The following MALRD1 variants were observed in gnomAD, a reference collection of about 807,000 sequenced individuals.
MALRD1 encodes MAM and LDL receptor class A domain containing 1, also known as MAM and LDL-receptor class A domain-containing protein 1.
In MALRD1, 247 loss-of-function variants were observed where a neutral mutation model predicts 242.1. The ratio of observed to expected loss-of-function variants is 1.02; its 90% CI spans 0.92 to 1.13. MALRD1 has a LOEUF of 1.13. Ranked by LOEUF, MALRD1 falls within the 50% of genes most tolerant of loss-of-function variation. The probability of loss-of-function intolerance (pLI) is 0.00; values close to 1 mark genes in which losing one functional copy is unlikely to be tolerated. For missense variants in MALRD1, 2,989 were observed against 2,533.1 expected (o/e 1.18, Z -3.86); for synonymous variants, 995 against 866.6 (o/e 1.15, Z -2.60).
chr10:19,664,019 A>G (rs567238287), intron 36 of MALRD1, among the ~76,000 whole-genome samples: 8 of 152,264 alleles, frequency 5.3e-5, no homozygotes, highest in Non-Finnish European at 1.0e-4. Flanking sequence ...AAGCAAAAAC[A>G]AGAGGGAATT....
chr10:19,710,193 T>G (rs1244340455), intron 38 of MALRD1: 2 of 152,168 alleles, frequency 1.3e-5, no homozygotes, highest in Non-Finnish European at 2.9e-5. Context: ...TTTGGATGTC[T>G]ATATTTGTGA....
intron 36 of MALRD1, among the ~76,000 whole-genome samples, chr10:19,630,666 T>C (rs1398894135): frequency 6.6e-6 from 1 of 152,162 alleles, no homozygotes; most frequent in Non-Finnish European, 1.5e-5. Context: ...TAAGTTATGA[T>C]GTATTGTCTT....
At chr10:19,669,651 G>A (rs889338136) in intron 36 of MALRD1, among the ~76,000 whole-genome samples, 2 of 152,106 alleles carry the variant, frequency 1.3e-5, no homozygotes, top group African/African-American at 4.8e-5. Context: ...CTAGAGAACT[G>A]AGCAAATGAA....
chr10:19,257,263 A>C (rs543543762), intron 18 of MALRD1, among the ~76,000 whole-genome samples: 2 of 152,228 alleles, frequency 1.3e-5, no homozygotes, highest in Admixed American at 1.3e-4. Flanking sequence ...TCTGGTAGAA[A>C]ATCTAGGAGG....
intron 1 of MALRD1, among the ~76,000 whole-genome samples, chr10:19,066,276 A>G (rs1834977494): frequency 6.6e-6 from 1 of 152,214 alleles, no homozygotes; most frequent in African/African-American, 2.4e-5. Flanking sequence ...ATTGAATCCA[A>G]AGATGAGGAA....
intron 36 of MALRD1, among the ~76,000 whole-genome samples, chr10:19,667,790 A>G (rs1482105501): frequency 6.6e-6 from 1 of 152,096 alleles, no homozygotes; most frequent in Non-Finnish European, 1.5e-5. Context: ...CTCTTTATAA[A>G]TTACCCAGGG....
rs547331212 is a variant in MALRD1 at position 19,725,915 on chromosome 10, C to T, written c.6315-4791C>T. Reference sequence around the variant, plus strand: ...CAATGCAAAAGAATGCAGATGGACCCCCTACTTCACACCACATACAGAAAT... The same window carrying T: ...CAATGCAAAAGAATGCAGATGGACCTCCTACTTCACACCACATACAGAAAT... On this transcript the variant is annotated intron_variant, in intron 38 of 39. Transcript: ENST00000454679. Among the ~76,000 whole-genome samples, 16 of 152,154 alleles carry T rather than the reference C, an allele frequency of 1.1e-4. No individual in the cohort carries two copies. In the East Asian group the frequency reaches 2.7e-3, roughly 26 times the overall value.
chr10:19,198,411 C>T (rs1019424603), intron 14 of MALRD1, among the ~76,000 whole-genome samples: 1 of 152,178 alleles, frequency 6.6e-6, no homozygotes, highest in Admixed American at 6.5e-5. Context: ...GAGGCCTAAA[C>T]TTATGGAACT....
chr10:19,357,808 T>C (rs1468717962), intron 26 of MALRD1, among the ~76,000 whole-genome samples: 2 of 152,136 alleles, frequency 1.3e-5, no homozygotes, highest in African/African-American at 4.8e-5. Context: ...TGTATTCATG[T>C]GTGTAGGCTA....
At chr10:19,543,754 C>G (rs374999035) in intron 32 of MALRD1, among the ~76,000 whole-genome samples, 29 of 152,260 alleles carry the variant, frequency 1.9e-4, no homozygotes, top group African/African-American at 6.7e-4. Flanking sequence ...TCTTGGCAAA[C>G]AACTTTGTAT....
intron 2 of MALRD1, among the ~76,000 whole-genome samples, chr10:19,085,008 G>C (rs1835619850): frequency 6.6e-6 from 1 of 151,910 alleles, no homozygotes; most frequent in African/African-American, 2.4e-5. Context: ...GGATGGTGTA[G>C]AGATTAATAG....
At chr10:19,467,982 C>G (rs1051718741) in intron 29 of MALRD1, among the ~76,000 whole-genome samples, 4 of 151,910 alleles carry the variant, frequency 2.6e-5, no homozygotes, top group African/African-American at 9.7e-5. Context: ...TTAGTAGAGA[C>G]TGGGTTTCTC....
chr10:19,715,795 C>T (rs1190489046), intron 38 of MALRD1, among the ~76,000 whole-genome samples: 1 of 152,178 alleles, frequency 6.6e-6, no homozygotes, highest in Non-Finnish European at 1.5e-5. Flanking sequence ...TGGTGCATCA[C>T]ATGACAAGAG....
At chr10:19,224,926 G>C (rs539996545) in intron 18 of MALRD1, among the ~76,000 whole-genome samples, 1 of 152,248 alleles carries the variant, frequency 6.6e-6, no homozygotes, top group Non-Finnish European at 1.5e-5. Flanking sequence ...CCTATGTTCT[G>C]AATGGTATTG....
At chr10:19,646,623 T>A (rs1026327934) in intron 36 of MALRD1, among the ~76,000 whole-genome samples, 3 of 151,052 alleles carry the variant, frequency 2.0e-5, no homozygotes, top group African/African-American at 7.3e-5. Context: ...AAAAAAATAA[T>A]AAGTTTAAAG....
intron 38 of MALRD1, among the ~76,000 whole-genome samples, chr10:19,706,667 A>G (rs1403051997): frequency 6.6e-6 from 1 of 152,026 alleles, no homozygotes; most frequent in Admixed American, 6.6e-5. Flanking sequence ...TTAAAAAGGA[A>G]AAAAAGGGCC....
chr10:19,440,286 CAA>C (rs1010192673), intron 28 of MALRD1, among the ~76,000 whole-genome samples: 1 of 151,818 alleles, frequency 6.6e-6, no homozygotes, highest in African/African-American at 2.4e-5. Context: ...CATATTTTTT[CAA>C]GTTTTGCATT....
At chr10:19,268,592 C>T (rs773158997) in intron 19 of MALRD1, among the ~76,000 whole-genome samples, 5 of 152,130 alleles carry the variant, frequency 3.3e-5, no homozygotes, top group East Asian at 1.9e-4. Context: ...AAAACGTATA[C>T]GTTGTTAGCT....
chr10:19,719,251 T>G (rs1461870400), intron 38 of MALRD1, among the ~76,000 whole-genome samples: 1 of 98,440 alleles, frequency 1.0e-5, no homozygotes, highest in Admixed American at 1.1e-4. Context: ...TATATATATA[T>G]ATATATATGC....
Sources: allele counts gnomAD v4.1 joint callset (sites outside exome capture counted in the v4.1 genomes callset), GRCh38; gene constraint gnomAD v4.1.1; transcripts MANE v1.5; gene names NCBI Gene and HGNC (gene_info 2026-07-23, HGNC 2026-07-21).